Variants in ZNF804B observed in about 807,000 individuals in gnomAD.
ZNF804B encodes the protein zinc finger 804B.
Under a neutral mutation model 101.4 loss-of-function variants are expected in ZNF804B, and 80 were observed. The observed-to-expected ratio is 0.79, with a 90% CI of 0.66 to 0.95. ZNF804B has a LOEUF of 0.95. Among genes scored for constraint, ZNF804B ranks in the 40% least tolerant of loss-of-function variants. ZNF804B has a pLI of 0.00. For missense variants in ZNF804B, 1,673 were observed against 1,561.9 expected, an observed-to-expected ratio of 1.07 and a Z score of -1.20; for synonymous variants, 622 against 558.8, an observed-to-expected ratio of 1.11 and a Z score of -1.59.
At chr7:88,777,707 G>C (rs1235902475) in intron 1 of ZNF804B, among the ~76,000 whole-genome samples, 2 of 151,880 alleles carry the variant, frequency 1.3e-5, no homozygotes, top group Admixed American at 6.6e-5. Flanking sequence ...AATTAGCCAG[G>C]TGTGGTGGCA....
chr7:89,282,952 A>C (rs1790122370), intron 2 of ZNF804B, among the ~76,000 whole-genome samples: 1 of 152,252 alleles, frequency 6.6e-6, no homozygotes, highest in Non-Finnish European at 1.5e-5. Context: ...TGAAAGAATA[A>C]ATTTCTGTTG....
At chr7:88,794,472 A>C in intron 1 of ZNF804B, 1 of 1,613,968 alleles carries the variant, frequency 6.2e-7, no homozygotes, top group South Asian at 1.1e-5. Flanking sequence ...CATCGTCGAG[A>C]TACATAACTG....
chr7:88,892,851 G>A (rs1032331493), intron 1 of ZNF804B, among the ~76,000 whole-genome samples: 1 of 152,078 alleles, frequency 6.6e-6, no homozygotes, highest in Non-Finnish European at 1.5e-5. Context: ...TCAGATTTCA[G>A]TTCAGGTATT....
intron 2 of ZNF804B, among the ~76,000 whole-genome samples, chr7:89,310,902 G>A (rs1790642096): frequency 6.6e-6 from 1 of 152,152 alleles, no homozygotes; most frequent in African/African-American, 2.4e-5. Flanking sequence ...GCCAAATAAA[G>A]ACGGCTTCAT....
At chr7:89,132,169 T>TATACAC (rs1554368007) in intron 1 of ZNF804B, among the ~76,000 whole-genome samples, 1 of 131,338 alleles carries the variant, frequency 7.6e-6, no homozygotes, top group Non-Finnish European at 1.6e-5. Context: ...CACGCACACA[T>TATACAC]ACACACACAC....
intron 2 of ZNF804B, among the ~76,000 whole-genome samples, chr7:89,290,423 T>G (rs1790271078): frequency 6.6e-6 from 1 of 152,088 alleles, no homozygotes; most frequent in African/African-American, 2.4e-5. Flanking sequence ...GGGTCCCCGA[T>G]TTCAAGCTTT....
At chr7:88,808,759 G>A (rs1790729985) in intron 1 of ZNF804B, among the ~76,000 whole-genome samples, 1 of 152,160 alleles carries the variant, frequency 6.6e-6, no homozygotes, top group South Asian at 2.1e-4. Context: ...TAGTTAAGTG[G>A]TACTGATAGC....
intron 1 of ZNF804B, among the ~76,000 whole-genome samples, chr7:88,993,407 A>T (rs1793876130): frequency 6.6e-6 from 1 of 152,052 alleles, no homozygotes; most frequent in South Asian, 2.1e-4. Context: ...GACTACATTG[A>T]CATTTGATGA....
intron 1 of ZNF804B, among the ~76,000 whole-genome samples, chr7:88,898,973 A>T (rs7804335): frequency 0.47 from 71,774 of 151,530 alleles, 19,602 homozygotes; most frequent in African/African-American, 0.76. Context: ...TCTAGAGCCA[A>T]TCAGAGCCAA....
intron 2 of ZNF804B, among the ~76,000 whole-genome samples, chr7:89,262,630 G>A (rs558198032): frequency 1.3e-5 from 2 of 152,082 alleles, no homozygotes; most frequent in South Asian, 2.1e-4. Context: ...CTTTCTGTCT[G>A]TATAACATTT....
intron 2 of ZNF804B, among the ~76,000 whole-genome samples, chr7:89,294,598 T>C (rs2115905260): frequency 6.6e-6 from 1 of 152,178 alleles, no homozygotes; most frequent in Admixed American, 6.5e-5. Flanking sequence ...CTGCTGGGTC[T>C]CCTCAATGCT....
intron 2 of ZNF804B, among the ~76,000 whole-genome samples, chr7:89,299,591 AC>A (rs1172483509): frequency 2.0e-5 from 3 of 151,908 alleles, no homozygotes; most frequent in Non-Finnish European, 4.4e-5. Context: ...AACAACAACA[AC>A]AAAACTCAGC....
intron 1 of ZNF804B, among the ~76,000 whole-genome samples, chr7:88,761,749 A>C (rs1302197493): frequency 6.6e-6 from 1 of 152,226 alleles, no homozygotes; most frequent in African/African-American, 2.4e-5. Context: ...AAGACTTCTC[A>C]GTATAAAGGG....
chr7:88,852,178 A>G (rs186963491), intron 1 of ZNF804B, among the ~76,000 whole-genome samples: 11 of 152,238 alleles, frequency 7.2e-5, no homozygotes, highest in African/African-American at 2.6e-4. Context: ...GCAAAGTTGA[A>G]GCCTGACACC....
chr7:88,854,205 A>T, intron 1 of ZNF804B, among the ~76,000 whole-genome samples: 1 of 152,074 alleles, frequency 6.6e-6, no homozygotes, highest in East Asian at 1.9e-4. Flanking sequence ...TCTTATTAAA[A>T]CCTTAAATAA....
chr7:88,935,258 G>A (rs1272550230), intron 1 of ZNF804B, among the ~76,000 whole-genome samples: 1 of 150,950 alleles, frequency 6.6e-6, no homozygotes, highest in Non-Finnish European at 1.5e-5. Flanking sequence ...ATGATACAAT[G>A]TATATAGCTC....
At chr7:89,071,170 A>G (rs147799321) in intron 1 of ZNF804B, among the ~76,000 whole-genome samples, 11 of 152,206 alleles carry the variant, frequency 7.2e-5, no homozygotes, top group African/African-American at 9.6e-5. Context: ...TACATGTTCA[A>G]TACAGACACA....
chr7:89,171,153 AT>A (rs1204928010), intron 1 of ZNF804B, among the ~76,000 whole-genome samples: 1 of 152,148 alleles, frequency 6.6e-6, no homozygotes, highest in East Asian at 1.9e-4. Context: ...TATGGTGTGA[AT>A]TTCTATTTAA....
At chr7:89,135,086 T>C (rs17307450) in intron 1 of ZNF804B, among the ~76,000 whole-genome samples, 19,598 of 152,100 alleles carry the variant, frequency 0.13, 1,407 homozygotes, top group Non-Finnish European at 0.15. Flanking sequence ...ATTCGTTGTA[T>C]TTGGTCATTA....
Sources: allele counts gnomAD v4.1 joint callset (sites outside exome capture counted in the v4.1 genomes callset), GRCh38; gene constraint gnomAD v4.1.1; transcripts MANE v1.5; gene names NCBI Gene and HGNC (gene_info 2026-07-23, HGNC 2026-07-21).